The following ASTN2 variants were observed in gnomAD, a reference collection of about 807,000 sequenced individuals.
ASTN2 encodes astrotactin-2.
ASTN2 carries 54 observed loss-of-function variants against 139.8 expected under a neutral mutation model. The ratio of observed to expected loss-of-function variants is 0.39; its 90% CI spans 0.31 to 0.48. The LOEUF (loss-of-function observed/expected upper bound fraction) is 0.48. Among genes scored for constraint, ASTN2 ranks in the 20% least tolerant of loss-of-function variants. ASTN2 has a pLI of 0.95. For synonymous variants in ASTN2, 756 were observed against 719.5 expected (o/e 1.05, Z -0.81); for missense variants, 1,565 against 1,725.1 (o/e 0.91, Z 1.64).
chr9:117,076,586 G>A lies in ASTN2; in HGVS notation c.1276+19458C>T, dbSNP rs144685637. On this transcript the variant is annotated intron_variant, in intron 5 of 22. Transcript: ENST00000313400. Reference sequence around the variant, plus strand: ...TGTGGTAGAAAGGTCACTTTTGGAAGTTGGGATGAAGAGGACAAGAGTGGG... The same window carrying A: ...TGTGGTAGAAAGGTCACTTTTGGAAATTGGGATGAAGAGGACAAGAGTGGG... 5.3e-3 allele frequency among the ~76,000 whole-genome samples: 808 copies of A among 152,320 alleles called. 1 individual carries two copies. The highest frequency in any genetic ancestry group is 9.4e-3 in the Non-Finnish European group (639 of 68,034).
intron 1 of ASTN2, among the ~76,000 whole-genome samples, chr9:117,333,421 G>A (rs897825435): frequency 2.6e-5 from 4 of 152,052 alleles, no homozygotes; most frequent in Non-Finnish European, 5.9e-5. Context: ...AACCACCCAG[G>A]TTCATTATAA....
At chr9:116,457,093 C>A (rs1185640087) in intron 20 of ASTN2, among the ~76,000 whole-genome samples, 1 of 151,498 alleles carries the variant, frequency 6.6e-6, no homozygotes, top group Non-Finnish European at 1.5e-5. Flanking sequence ...CAAGAACACA[C>A]ATTGGGGAAG....
At chr9:117,406,551 G>T (rs1830995031) in intron 1 of ASTN2, among the ~76,000 whole-genome samples, 1 of 151,962 alleles carries the variant, frequency 6.6e-6, no homozygotes, top group Admixed American at 6.6e-5. Flanking sequence ...CCCTTGAAAG[G>T]TCCAGGTGTG....
intron 6 of ASTN2, among the ~76,000 whole-genome samples, chr9:117,033,182 T>C (rs1838295970): frequency 6.6e-6 from 1 of 152,172 alleles, no homozygotes; most frequent in African/African-American, 2.4e-5. Flanking sequence ...ATTTACAGTT[T>C]GATAATATGG....
At chr9:116,941,594 GAA>G (rs780480219) in intron 10 of ASTN2, among the ~76,000 whole-genome samples, 4 of 80,704 alleles carry the variant, frequency 5.0e-5, no homozygotes, top group South Asian at 4.4e-4. Flanking sequence ...TTAAGCTACA[GAA>G]AAAAAAAAAA....
chr9:116,566,131 A>G (rs555713439), intron 19 of ASTN2, among the ~76,000 whole-genome samples: 5 of 152,318 alleles, frequency 3.3e-5, no homozygotes, highest in African/African-American at 9.6e-5. Context: ...CAATAAATGC[A>G]TCTAATTCCT....
intron 1 of ASTN2, among the ~76,000 whole-genome samples, chr9:117,360,009 G>A (rs191794600): frequency 1.4e-4 from 22 of 152,270 alleles, no homozygotes; most frequent in African/African-American, 4.1e-4. Flanking sequence ...ATGCAAGCCC[G>A]TTGGCTTTGA....
rs143376512 is a variant in ASTN2 at position 116,891,710 on chromosome 9, C to T, written c.1890-27977G>A. ...GAGTTGATTTCTGCTGAGTGATGGGCACTTGGTCATCCATTTTACTATCTT... is the reference window on the plus strand; with the variant it reads ...GAGTTGATTTCTGCTGAGTGATGGGTACTTGGTCATCCATTTTACTATCTT... On this transcript the variant is annotated intron_variant, in intron 10 of 22. Transcript: ENST00000313400. 9.2e-4 allele frequency among the ~76,000 whole-genome samples: 140 copies of T among 152,306 alleles called. 2 individuals are homozygous for T. Among genetic ancestry groups the T allele is most frequent in the African/African-American group, 3.3e-3 (139 of 41,576 alleles).
At chr9:117,142,892 T>G (rs1489079448) in intron 3 of ASTN2, among the ~76,000 whole-genome samples, 1 of 152,096 alleles carries the variant, frequency 6.6e-6, no homozygotes, top group African/African-American at 2.4e-5. Flanking sequence ...GGGAAATTTC[T>G]TCTTCAGTTT....
At chr9:116,998,138 A>G (rs1837076264) in intron 7 of ASTN2, among the ~76,000 whole-genome samples, 1 of 152,184 alleles carries the variant, frequency 6.6e-6, no homozygotes, top group South Asian at 2.1e-4. Flanking sequence ...ATGTTCGTTA[A>G]TCGATAATAA....
At chr9:116,894,997 C>T (rs879757397) in intron 10 of ASTN2, among the ~76,000 whole-genome samples, 1 of 152,162 alleles carries the variant, frequency 6.6e-6, no homozygotes, top group Non-Finnish European at 1.5e-5. Flanking sequence ...TAAGTGGTCC[C>T]ATGAGTTGGT....
At chr9:116,623,452 A>C (rs1319701835) in intron 17 of ASTN2, among the ~76,000 whole-genome samples, 4 of 152,080 alleles carry the variant, frequency 2.6e-5, no homozygotes, top group African/African-American at 9.7e-5. Flanking sequence ...AGTCCTCATA[A>C]GGCTGCAGAA....
At chr9:116,579,014 T>C (rs1432019903) in intron 19 of ASTN2, 1 of 151,476 alleles carries the variant, frequency 6.6e-6, no homozygotes, top group African/African-American at 2.4e-5. Context: ...TCTCAAGAAG[T>C]GAGGCACCTG....
At chr9:117,403,537 C>T (rs546148983) in intron 1 of ASTN2, among the ~76,000 whole-genome samples, 65 of 151,776 alleles carry the variant, frequency 4.3e-4, no homozygotes, top group Non-Finnish European at 1.0e-4. Flanking sequence ...TCCCCCGATG[C>T]CCCACCCCCT....
intron 11 of ASTN2, among the ~76,000 whole-genome samples, chr9:116,861,424 C>T (rs1273512394): frequency 2.0e-5 from 3 of 152,164 alleles, no homozygotes; most frequent in Non-Finnish European, 4.4e-5. Context: ...ACAGAACATC[C>T]TTTTGAGCTG....
intron 10 of ASTN2, among the ~76,000 whole-genome samples, chr9:116,944,718 A>G (rs532997631): frequency 6.6e-6 from 1 of 150,498 alleles, no homozygotes; most frequent in Non-Finnish European, 1.5e-5. Context: ...ATGCAAAGAT[A>G]TGAATGTACA....
chr9:116,554,530 T>C (rs1046276169), intron 19 of ASTN2, among the ~76,000 whole-genome samples: 2 of 152,220 alleles, frequency 1.3e-5, no homozygotes, highest in African/African-American at 2.4e-5. Flanking sequence ...AATTTTCTTA[T>C]AGTGCTTCAA....
At chr9:116,756,948 T>A (rs1829548926) in intron 13 of ASTN2, among the ~76,000 whole-genome samples, 1 of 152,200 alleles carries the variant, frequency 6.6e-6, no homozygotes, top group Admixed American at 6.5e-5. Context: ...GGTGCTATTA[T>A]GCCACACTGT....
At chr9:116,455,018 C>G (rs1848285720) in intron 20 of ASTN2, among the ~76,000 whole-genome samples, 1 of 151,596 alleles carries the variant, frequency 6.6e-6, no homozygotes, top group Non-Finnish European at 1.5e-5. Flanking sequence ...GCACATGTAC[C>G]CTAGAAATTA....
Sources: allele counts gnomAD v4.1 joint callset (sites outside exome capture counted in the v4.1 genomes callset), GRCh38; gene constraint gnomAD v4.1.1; transcripts MANE v1.5; gene names NCBI Gene and HGNC (gene_info 2026-07-23, HGNC 2026-07-21).